SLC9A9: variants seen among roughly 807,000 people sequenced by gnomAD.
SLC9A9 encodes solute carrier family 9 member A9, also known as sodium/hydrogen exchanger 9.
Under a neutral mutation model 77.8 loss-of-function variants are expected in SLC9A9, and 62 were observed. The observed-to-expected ratio is 0.80, with a 90% CI of 0.65 to 0.98. The LOEUF (loss-of-function observed/expected upper bound fraction) is 0.98. SLC9A9 is among the 50% of genes least tolerant of loss of function. SLC9A9 has a pLI of 0.00. For missense variants in SLC9A9, 775 were observed against 774.9 expected (o/e 1.00, Z 0.00); for synonymous variants, 320 against 283.5 (o/e 1.13, Z -1.29).
chr3:143,661,197 T>C (rs950609817), intron 5 of SLC9A9, among the ~76,000 whole-genome samples: 3 of 152,192 alleles, frequency 2.0e-5, no homozygotes, highest in African/African-American at 7.2e-5. Context: ...ATAAAGCAGC[T>C]CTCACCATAG....
At chr3:143,428,374 T>C (rs2034445203) in intron 12 of SLC9A9, among the ~76,000 whole-genome samples, 1 of 152,056 alleles carries the variant, frequency 6.6e-6, no homozygotes, top group African/African-American at 2.4e-5. Context: ...AAAACCACGA[T>C]GAGATATCAC....
chr3:143,621,013 C>A (rs577126713), intron 6 of SLC9A9, among the ~76,000 whole-genome samples: 1 of 152,186 alleles, frequency 6.6e-6, no homozygotes, highest in Non-Finnish European at 1.5e-5. Flanking sequence ...GAGCCTCGCT[C>A]ATTGCTAGCA....
chr3:143,407,916 T>C (rs2034013593), intron 12 of SLC9A9, among the ~76,000 whole-genome samples: 1 of 152,322 alleles, frequency 6.6e-6, no homozygotes, highest in East Asian at 1.9e-4. Flanking sequence ...AAATGGATGG[T>C]TCAAACAGAA....
At position 143,467,261 on chromosome 3, in the gene SLC9A9, T is replaced by A. The variant is rs1398004434; in HGVS notation, c.1316-71A>T. 4.5e-6 allele frequency: 7 copies of A among 1,568,932 alleles called. No homozygotes were observed. In the East Asian group the frequency reaches 1.4e-4, roughly 31 times the overall value. On this transcript the variant is annotated intron_variant, in intron 11 of 15. Coordinates refer to ENST00000316549, the MANE Select transcript of SLC9A9 (RefSeq NM_173653.4). ...TTTTTCATTTCAATGGATTCATCTTTACAATTTGCTGACACAATTTTTTTA... is the reference window on the plus strand; with the variant it reads ...TTTTTCATTTCAATGGATTCATCTTAACAATTTGCTGACACAATTTTTTTA...
intron 4 of SLC9A9, among the ~76,000 whole-genome samples, chr3:143,755,733 T>C (rs2006901958): frequency 6.6e-6 from 1 of 152,180 alleles, no homozygotes; most frequent in Non-Finnish European, 1.5e-5. Flanking sequence ...CAAAAGGATT[T>C]TGAAGTCACT....
At chr3:143,565,804 T>C (rs1358844061) in intron 8 of SLC9A9, among the ~76,000 whole-genome samples, 1 of 152,048 alleles carries the variant, frequency 6.6e-6, no homozygotes, top group Non-Finnish European at 1.5e-5. Flanking sequence ...TCTGTCAATA[T>C]AAAGCAAACC....
intron 11 of SLC9A9, among the ~76,000 whole-genome samples, chr3:143,469,159 C>T (rs979778901): frequency 7.2e-6 from 1 of 139,640 alleles, no homozygotes; most frequent in African/African-American, 3.3e-5. Flanking sequence ...GACTTCATCT[C>T]AAACAAACAA....
In SLC9A9 at chr3:143,814,274, T is replaced by C. The variant is rs538004527; in HGVS notation, c.379-17371A>G. 3.3e-5 allele frequency among the ~76,000 whole-genome samples: 5 copies of C among 152,248 alleles called. No individual in the cohort carries two copies. The East Asian group carries it at 9.7e-4, about 30-fold the overall frequency. Reference sequence around the variant, plus strand: ...GGTGCCTGTACGTCACTCAGAAATATGTGCCTGGTGGCAAAGTCAGGGCCA... The same window carrying C: ...GGTGCCTGTACGTCACTCAGAAATACGTGCCTGGTGGCAAAGTCAGGGCCA... On this transcript the variant is annotated intron_variant, in intron 2 of 15. Coordinates refer to ENST00000316549, the MANE Select transcript of SLC9A9 (RefSeq NM_173653.4).
chr3:143,548,132 A>G (rs1415600331), intron 9 of SLC9A9, among the ~76,000 whole-genome samples: 1 of 152,218 alleles, frequency 6.6e-6, no homozygotes, highest in Non-Finnish European at 1.5e-5. Flanking sequence ...TATCTGTTGG[A>G]AATAATTTTT....
rs1278273860 is a variant in SLC9A9 at position 143,356,529 on chromosome 3, G to T, written c.1604+6955C>A. On this transcript the variant is annotated intron_variant, in intron 14 of 15. Coordinates refer to ENST00000316549, the MANE Select transcript of SLC9A9 (RefSeq NM_173653.4). The stretch of plus-strand genomic sequence containing the variant: ...GGAAGAAGCTGATGTTTTCTCCCAG[G>T]ATTTTTTAAGAGATAGGATCTCACT... Among the ~76,000 whole-genome samples, 3 of 152,106 alleles carry T rather than the reference G, an allele frequency of 2.0e-5. No individual in the cohort carries two copies. The East Asian group carries it at 5.8e-4, about 29-fold the overall frequency.
chr3:143,430,919 TG>T (rs2034502177), intron 12 of SLC9A9, among the ~76,000 whole-genome samples: 1 of 152,074 alleles, frequency 6.6e-6, no homozygotes, highest in Non-Finnish European at 1.5e-5. Context: ...TCCCACAACA[TG>T]GATACACAGC....
At chr3:143,798,438 C>T (rs1216139523) in intron 2 of SLC9A9, among the ~76,000 whole-genome samples, 1 of 152,058 alleles carries the variant, frequency 6.6e-6, no homozygotes, top group Non-Finnish European at 1.5e-5. Context: ...CTTTGGCTGC[C>T]CAGAGCTGCT....
At chr3:143,314,400 C>G (rs2031131128) in intron 14 of SLC9A9, 1 of 152,256 alleles carries the variant, frequency 6.6e-6, no homozygotes, top group African/African-American at 2.4e-5. Context: ...AGCTGGCAGA[C>G]AGAGCCATAC....
chr3:143,506,901 C>T (rs529661414), intron 9 of SLC9A9, among the ~76,000 whole-genome samples: 23 of 152,036 alleles, frequency 1.5e-4, no homozygotes, highest in East Asian at 5.8e-4. Flanking sequence ...AAATTAAAAT[C>T]GTGTCTTTAA....
intron 14 of SLC9A9, 41 bp downstream of exon 14, chr3:143,363,443 C>A (rs1334445087): frequency 1.9e-6 from 3 of 1,572,500 alleles, no homozygotes; most frequent in Non-Finnish European, 2.6e-6. Context: ...TAATTCTCTG[C>A]CTGCAGCAGG....
intron 2 of SLC9A9, among the ~76,000 whole-genome samples, chr3:143,818,295 A>T (rs531624922): frequency 1.7e-4 from 26 of 152,126 alleles, no homozygotes; most frequent in African/African-American, 6.3e-4. Flanking sequence ...AGAACTGGGG[A>T]CTCAGACTTG....
At chr3:143,413,338 A>T (rs1246237133) in intron 12 of SLC9A9, among the ~76,000 whole-genome samples, 1 of 152,204 alleles carries the variant, frequency 6.6e-6, no homozygotes, top group Non-Finnish European at 1.5e-5. Flanking sequence ...AAGTTTGAAA[A>T]GATGCATTAT....
intron 5 of SLC9A9, among the ~76,000 whole-genome samples, chr3:143,669,811 A>G (rs931934640): frequency 3.9e-5 from 6 of 152,184 alleles, no homozygotes; most frequent in African/African-American, 1.2e-4. Context: ...TAAAATGGGG[A>G]TAAAATAATC....
At chr3:143,834,462 A>G (rs1295809042) in intron 1 of SLC9A9, among the ~76,000 whole-genome samples, 1 of 151,510 alleles carries the variant, frequency 6.6e-6, no homozygotes, top group Admixed American at 6.6e-5. Flanking sequence ...CACCATTACT[A>G]TTCTTTCTAC....
Sources: allele counts gnomAD v4.1 joint callset (sites outside exome capture counted in the v4.1 genomes callset), GRCh38; gene constraint gnomAD v4.1.1; transcripts MANE v1.5; gene names NCBI Gene and HGNC (gene_info 2026-07-23, HGNC 2026-07-21).